Variants in NCAM2 observed in about 807,000 individuals in gnomAD.
NCAM2 encodes N-CAM-2.
NCAM2 carries 30 observed loss-of-function variants against 98.1 expected under a neutral mutation model. That is an observed-to-expected ratio of 0.31 (90% CI 0.23 to 0.41). The LOEUF is 0.41. NCAM2 is among the 10% of genes least tolerant of loss of function. The pLI is 1.00. For synonymous variants in NCAM2, 368 were observed against 342.4 expected (o/e 1.07, Z -0.83); for missense variants, 867 against 1,005.8 (o/e 0.86, Z 1.87).
chr21:21,195,844 A>G (rs940933335), intron 1 of NCAM2, among the ~76,000 whole-genome samples: 2 of 152,198 alleles, frequency 1.3e-5, no homozygotes, highest in African/African-American at 4.8e-5. Context: ...TTATACATTC[A>G]AAAGTGCCAA....
At chr21:21,108,826 A>G (rs115847197) in intron 1 of NCAM2, among the ~76,000 whole-genome samples, 1,629 of 152,224 alleles carry the variant, frequency 0.011, 35 homozygotes, top group African/African-American at 0.037. Context: ...GGAATTTGTA[A>G]TCAACTGATA....
intron 1 of NCAM2, among the ~76,000 whole-genome samples, chr21:21,115,467 C>G (rs772176270): frequency 6.6e-6 from 1 of 152,130 alleles, no homozygotes; most frequent in Non-Finnish European, 1.5e-5. Flanking sequence ...TTCATCACCA[C>G]TCTCTTCTTG....
At chr21:21,340,953 C>T (rs1227994383) in intron 8 of NCAM2, among the ~76,000 whole-genome samples, 1 of 151,918 alleles carries the variant, frequency 6.6e-6, no homozygotes, top group African/African-American at 2.4e-5. Context: ...GGAAGATGAG[C>T]ACATTACAAA....
intron 9 of NCAM2, among the ~76,000 whole-genome samples, chr21:21,386,567 T>C (rs1178690142): frequency 1.3e-5 from 2 of 152,076 alleles, no homozygotes; most frequent in Non-Finnish European, 2.9e-5. Context: ...AAAAGAAAGG[T>C]GAAGAGTCTT....
chr21:21,452,126 CAGG>C (rs1261633246), intron 12 of NCAM2, among the ~76,000 whole-genome samples: 2 of 149,608 alleles, frequency 1.3e-5, no homozygotes, highest in Non-Finnish European at 3.0e-5. Context: ...ATGTAATTTT[CAGG>C]AGGTTTTTTA....
intron 15 of NCAM2, among the ~76,000 whole-genome samples, chr21:21,494,239 T>C (rs1987052654): frequency 6.6e-6 from 1 of 151,964 alleles, no homozygotes; most frequent in African/African-American, 2.4e-5. Context: ...GAAAACAAAT[T>C]ATAAAATATG....
chr21:21,134,205 A>G (rs1233461013), intron 1 of NCAM2, among the ~76,000 whole-genome samples: 1 of 151,740 alleles, frequency 6.6e-6, no homozygotes, highest in Non-Finnish European at 1.5e-5. Flanking sequence ...AGTAGCTGGG[A>G]TTACAAGTGC....
intron 5 of NCAM2, among the ~76,000 whole-genome samples, chr21:21,316,121 T>A (rs548487664): frequency 7.5e-4 from 114 of 152,328 alleles, no homozygotes; most frequent in African/African-American, 2.6e-3. Flanking sequence ...TTGAAAGCTG[T>A]GTATTTAAAG....
At chr21:21,265,289 GTA>G (rs1314247335) in intron 1 of NCAM2, among the ~76,000 whole-genome samples, 5 of 126,940 alleles carry the variant, frequency 3.9e-5, no homozygotes, top group Admixed American at 3.4e-4. Flanking sequence ...ACATATGTGT[GTA>G]TATATACGTG....
intron 1 of NCAM2, among the ~76,000 whole-genome samples, chr21:21,181,003 TC>T: frequency 1.3e-5 from 2 of 152,304 alleles, no homozygotes; most frequent in Middle Eastern, 6.8e-3. Context: ...TGGGTCATTT[TC>T]TTTTCTCATG....
intron 14 of NCAM2, among the ~76,000 whole-genome samples, chr21:21,472,320 A>G (rs1346862377): frequency 6.6e-6 from 1 of 152,046 alleles, no homozygotes; most frequent in Admixed American, 6.6e-5. Flanking sequence ...CTCAATGGCC[A>G]TAGGATAAGA....
At chr21:21,509,381 C>A (rs906408895) in intron 16 of NCAM2, among the ~76,000 whole-genome samples, 1 of 151,976 alleles carries the variant, frequency 6.6e-6, no homozygotes, top group Non-Finnish European at 1.5e-5. Flanking sequence ...TTTATTCCAC[C>A]GGTTTTGTTT....
At chr21:21,133,569 G>A (rs990491900) in intron 1 of NCAM2, among the ~76,000 whole-genome samples, 2 of 152,102 alleles carry the variant, frequency 1.3e-5, no homozygotes, top group African/African-American at 4.8e-5. Flanking sequence ...CAACAACTGT[G>A]GTATTAATTA....
chr21:21,158,184 G>T (rs2067672811), intron 1 of NCAM2, among the ~76,000 whole-genome samples: 2 of 152,186 alleles, frequency 1.3e-5, no homozygotes, highest in Non-Finnish European at 2.9e-5. Flanking sequence ...AATATAGTGT[G>T]TACTGAATGT....
chr21:21,158,905 A>G (rs943448263), intron 1 of NCAM2, among the ~76,000 whole-genome samples: 16 of 152,252 alleles, frequency 1.1e-4, no homozygotes, highest in African/African-American at 3.9e-4. Context: ...AAACGTAACT[A>G]TTAAAGAGCC....
chr21:21,013,915 T>C (rs73228179), intron 1 of NCAM2, among the ~76,000 whole-genome samples: 7,489 of 152,290 alleles, frequency 0.049, 218 homozygotes, highest in Non-Finnish European at 0.058. Flanking sequence ...TCAGAAATTC[T>C]AGTTAACATA....
chr21:21,348,503 T>A (rs1432975772), intron 8 of NCAM2, among the ~76,000 whole-genome samples: 2 of 152,084 alleles, frequency 1.3e-5, no homozygotes, highest in Non-Finnish European at 2.9e-5. Flanking sequence ...GAATCAATAT[T>A]TTTAAAATGT....
Position 21,026,855 on chromosome 21 carries a change from C to CTT in NCAM2, c.55+28255_55+28256dup, listed in dbSNP as rs752588922. Among the ~76,000 whole-genome samples the CTT allele has an allele frequency of 9.9e-4, 126 of 126,784 alleles. 1 individual carries two copies. Among genetic ancestry groups the CTT allele is most frequent in the Non-Finnish European group, 1.0e-3 (63 of 60,312 alleles). The allele number at this position is 126,784 out of a possible 152,430, so 83.2% of individuals were successfully genotyped here. A position where few individuals can be genotyped will look rare whatever the true frequency, so the allele number is the denominator to read the frequency against. ...GCAAATGTTTTCTTTTCTTCTTCTTCTTTTTTTTTTTTTTTTTTTGAGACA... is the reference window on the plus strand; with the variant it reads ...GCAAATGTTTTCTTTTCTTCTTCTTCTTTTTTTTTTTTTTTTTTTTTGAGACA... On this transcript the variant is annotated intron_variant, in intron 1 of 17. Transcript: ENST00000400546.
chr21:21,451,168 C>T (rs1421736838), intron 12 of NCAM2, among the ~76,000 whole-genome samples: 3 of 152,090 alleles, frequency 2.0e-5, no homozygotes, highest in Admixed American at 2.0e-4. Flanking sequence ...GTTTACCGTT[C>T]ATTTGGCTCT....
Sources: gnomAD v4.1 joint callset for allele counts (sites outside exome capture counted in the v4.1 genomes callset) on GRCh38, gnomAD v4.1.1 for gene constraint, MANE v1.5 for transcripts, NCBI Gene and HGNC (gene_info 2026-07-23, HGNC 2026-07-21) for gene names.